Variants in SDHA observed in about 807,000 individuals in gnomAD.
SDHA encodes succinate dehydrogenase complex flavoprotein subunit A, also known as succinate dehydrogenase [ubiquinone] flavoprotein subunit, mitochondrial.
Under a neutral mutation model 78.4 loss-of-function variants are expected in SDHA, and 48 were observed. That is an observed-to-expected ratio of 0.61 (90% confidence interval 0.49 to 0.78). The LOEUF is 0.78. Among genes scored for constraint, SDHA ranks in the 30% least tolerant of loss-of-function variants. The pLI is 0.00. For synonymous variants in SDHA, 326 were observed against 353.9 expected, an observed-to-expected ratio of 0.92 and a Z score of 0.88; for missense variants, 680 against 892.7, an observed-to-expected ratio of 0.76 and a Z score of 3.04.
the SDHA span, among the ~76,000 whole-genome samples, chr5:265,745 G>A: frequency 9.2e-5 from 14 of 151,926 alleles, no homozygotes; most frequent in East Asian, 1.7e-3. Flanking sequence ...GCTTGAACCC[G>A]GGAGGCGGAG....
intron 6 of SDHA, among the ~76,000 whole-genome samples, chr5:229,673 T>C (rs1350504285): frequency 6.6e-6 from 1 of 152,210 alleles, no homozygotes; most frequent in Non-Finnish European, 1.5e-5. Context: ...ATATACAACA[T>C]GGTGGCTATA....
intron 6 of SDHA, 129 bp from the exon 7 acceptor site, chr5:230,747 T>C: frequency 8.2e-7 from 1 of 1,220,032 alleles, no homozygotes; most frequent in East Asian, 2.3e-5. Flanking sequence ...TGTGCGTGAG[T>C]AGGGGGTTGT....
At chr5:254,957 G>A (rs1198647125) in intron 14 of SDHA, among the ~76,000 whole-genome samples, 1 of 152,030 alleles carries the variant, frequency 6.6e-6, no homozygotes, top group Non-Finnish European at 1.5e-5. Flanking sequence ...GGGGAGCTGA[G>A]GGGATGTGGT....
At chr5:261,179 G>A (rs1226295342), downstream of SDHA, among the ~76,000 whole-genome samples, 12 of 9,946 alleles carry the variant, frequency 1.2e-3, no homozygotes, top group Non-Finnish European at 1.8e-3. Context: ...CAGCATTACC[G>A]TGTGAGCTCC....
chr5:223,947 G>A (rs1579380601), intron 2 of SDHA, among the ~76,000 whole-genome samples: 2 of 152,064 alleles, frequency 1.3e-5, no homozygotes, highest in South Asian at 4.1e-4. Flanking sequence ...AAATAGGATG[G>A]TGGGGCCCCT....
chr5:244,557 G>A (rs547037682), intron 11 of SDHA, among the ~76,000 whole-genome samples: 1 of 152,258 alleles, frequency 6.6e-6, no homozygotes, highest in South Asian at 2.1e-4. Flanking sequence ...TCAAATTACT[G>A]ATAAACGTCC....
chr5:220,958 A>G lies in SDHA; in HGVS notation c.64-2524A>G, dbSNP rs1298696707. On this transcript the variant is annotated intron_variant, in intron 1 of 14. Coordinates refer to ENST00000264932, the MANE Select transcript of SDHA (RefSeq NM_004168.4). ...CTCCTGAGTAGCTGGGACTACAGGC[A>G]CCTGCCATCATGCCCGGCTAATTTT... 9.0e-4 allele frequency among the ~76,000 whole-genome samples: 137 copies of G among 151,882 alleles called. 1 individual carries two copies. The highest frequency in any genetic ancestry group is 3.1e-3 in the African/African-American group (127 of 41,362).
At chr5:234,555 A>G (rs1735643637) in intron 8 of SDHA, 2 of 144,326 alleles carry the variant, frequency 1.4e-5, no homozygotes, top group Admixed American at 1.3e-4. Flanking sequence ...CCTTACAAAT[A>G]TGCAGACTTT....
At chr5:259,612 G>A (rs1360332175), downstream of SDHA, among the ~76,000 whole-genome samples, 1 of 24,910 alleles carries the variant, frequency 4.0e-5, no homozygotes, top group Non-Finnish European at 7.1e-5. Context: ...GAGCATTACC[G>A]TGTGAGCTCC....
At chr5:239,409 T>C (rs1735998930) in intron 10 of SDHA, among the ~76,000 whole-genome samples, 1 of 151,800 alleles carries the variant, frequency 6.6e-6, no homozygotes, top group Non-Finnish European at 1.5e-5. Flanking sequence ...ATACAAAAAA[T>C]TAGCCAGGTA....
chr5:250,159 T>C (rs1300308009), intron 11 of SDHA: 2 of 152,274 alleles, frequency 1.3e-5, no homozygotes, highest in East Asian at 1.9e-4. Flanking sequence ...ATTAGGTTGA[T>C]GTGCATTACA....
At chr5:235,879 G>C (rs1209024958) in intron 9 of SDHA, 6 of 251,568 alleles carry the variant, frequency 2.4e-5, no homozygotes. Flanking sequence ...GACAGTCGCA[G>C]ATGCTGACAT....
chr5:227,169 C>A (rs992136304), intron 5 of SDHA, among the ~76,000 whole-genome samples: 3 of 152,030 alleles, frequency 2.0e-5, no homozygotes, highest in African/African-American at 7.2e-5. Flanking sequence ...CGCCACCATG[C>A]CTGGCTAATT....
intron 11 of SDHA, among the ~76,000 whole-genome samples, chr5:244,813 A>G (rs1736349486): frequency 6.6e-6 from 1 of 152,210 alleles, no homozygotes; most frequent in Admixed American, 6.5e-5. Flanking sequence ...TTTATGGGGA[A>G]GAGATTTATT....
At chr5:262,735 G>T in the SDHA span, among the ~76,000 whole-genome samples, 1 of 152,154 alleles carries the variant, frequency 6.6e-6, no homozygotes, top group Non-Finnish European at 1.5e-5. Context: ...TTTTTAGGCT[G>T]TTCTTTTTAG....
intron 1 of SDHA, among the ~76,000 whole-genome samples, chr5:223,157 T>C (rs1433285675): frequency 6.6e-6 from 1 of 152,250 alleles, no homozygotes; most frequent in Non-Finnish European, 1.5e-5. Flanking sequence ...CTCCACTAAG[T>C]AGCATACATT....
chr5:258,629 A>G (rs1737366152), downstream of SDHA, among the ~76,000 whole-genome samples: 1 of 94,974 alleles, frequency 1.1e-5, no homozygotes, highest in Non-Finnish European at 2.1e-5. Context: ...TTACCGTGTG[A>G]GCTCCGCCTC....
rs944282865 is a variant in SDHA, at chr5:252,040, C to T, written c.1794+572C>T. Reference sequence around the variant, plus strand: ...TAACGAGTAAGCCACCGTTTCAGACCTGCCCTGTGGTGGAAATGCCAGTTT... The same window carrying T: ...TAACGAGTAAGCCACCGTTTCAGACTTGCCCTGTGGTGGAAATGCCAGTTT... On this transcript the variant is annotated intron_variant, in intron 13 of 14. Coordinates refer to ENST00000264932, the MANE Select transcript of SDHA (RefSeq NM_004168.4). Among the ~76,000 whole-genome samples, 3 of 149,822 alleles carry T rather than the reference C, an allele frequency of 2.0e-5. 1 individual carries two copies. The highest frequency in any genetic ancestry group is 7.4e-5 in the African/African-American group (3 of 40,696).
At position 235,808 on chromosome 5, in the gene SDHA, G is replaced by A. The variant is rs996438476; in HGVS notation, c.1260+469G>A. The A allele has an allele frequency of 2.2e-5, 6 of 273,214 alleles. No homozygotes were observed. The East Asian group carries it at 3.9e-4, about 18-fold the overall frequency. 16.9% of individuals were successfully genotyped at this position (273,214 alleles called of 1,614,324 possible). ...CCCTGCTGATGTTCCTCCACCTGCC[G>A]TGCTCCTGGGTCTGAGCCGGAGCAC... On this transcript the variant is annotated intron_variant, in intron 9 of 14. Transcript: ENST00000264932.
Sources: gnomAD v4.1 joint callset for allele counts (sites outside exome capture counted in the v4.1 genomes callset) on GRCh38, gnomAD v4.1.1 for gene constraint, MANE v1.5 for transcripts, NCBI Gene and HGNC (gene_info 2026-07-23, HGNC 2026-07-21) for gene names.